The following TSGA13 variants were observed in gnomAD, a reference collection of about 807,000 sequenced individuals.
The protein encoded by TSGA13 is testis-specific gene 13 protein.
TSGA13 carries 37 observed loss-of-function variants against 35.1 expected under a neutral mutation model. The observed-to-expected ratio is 1.05, with a 90% CI of 0.81 to 1.39. TSGA13 has a LOEUF of 1.39. Among genes scored for constraint, TSGA13 ranks in the 40% most tolerant of loss-of-function variants. TSGA13 has a pLI of 0.00. For synonymous variants in TSGA13, 124 were observed against 121.2 expected (o/e 1.02, Z -0.15); for missense variants, 338 against 328.5 (o/e 1.03, Z -0.22).
At chr7:130,670,953 C>G (rs1796253549) in intron 7 of TSGA13, among the ~76,000 whole-genome samples, 1 of 147,216 alleles carries the variant, frequency 6.8e-6, no homozygotes, top group African/African-American at 2.4e-5. Flanking sequence ...ATCTCTTTCA[C>G]ATATTGAAAG....
At position 130,679,307 on chromosome 7, in the gene TSGA13, T is replaced by C; in HGVS notation, c.235A>G (p.Lys79Glu). The change falls in exon 5 of 8, where the codon AAA becomes GAA. Residue 79 changes from lysine to glutamate, a missense_variant. Coordinates refer to ENST00000356588, the MANE Select transcript of TSGA13 (RefSeq NM_052933.4). ...ALQKFLAQNR[K>E]NTSFMLKVTQ... ...ACTTTTAACATGAAGCTGGTGTTTT[T>C]CCTGTTTTGAGCCAGGAATTTCTGC... 1 of 1,614,200 alleles carries C rather than the reference T, an allele frequency of 6.2e-7. No homozygotes were observed. Among genetic ancestry groups the C allele is most frequent in the Non-Finnish European group, 8.5e-7 (1 of 1,180,022 alleles).
chr7:130,686,138 T>C (rs970853678), intron 1 of TSGA13, 124 bp downstream of exon 1: 1 of 152,230 alleles, frequency 6.6e-6, no homozygotes, highest in African/African-American at 2.4e-5. Context: ...CAAGGGTTTA[T>C]GTCTAACTTG....
chr7:130,670,640 GACAGGGTCTC>G (rs1554462820), intron 7 of TSGA13, among the ~76,000 whole-genome samples: 5 of 152,128 alleles, frequency 3.3e-5, no homozygotes, highest in African/African-American at 1.2e-4. Context: ...TTGTTTTTCA[GACAGGGTCTC>G]ACTCTGTTAC....
intron 3 of TSGA13, among the ~76,000 whole-genome samples, chr7:130,681,874 A>C (rs1796554859): frequency 6.6e-6 from 1 of 152,178 alleles, no homozygotes; most frequent in South Asian, 2.1e-4. Flanking sequence ...CATAGTCAGA[A>C]ATCGGAAAAA....
chr7:130,670,988 G>C (rs1796254859), intron 7 of TSGA13, among the ~76,000 whole-genome samples: 1 of 152,056 alleles, frequency 6.6e-6, no homozygotes, highest in Admixed American at 6.6e-5. Flanking sequence ...CTTGGTAAGT[G>C]TCAGACACTT....
intron 7 of TSGA13, 51 bp downstream of exon 7, chr7:130,671,610 C>T: frequency 6.7e-7 from 1 of 1,498,422 alleles, no homozygotes; most frequent in South Asian, 1.3e-5. Flanking sequence ...ATTGTATCTC[C>T]AGCCCAAATC....
chr7:130,684,431 A>T (rs1262283089), intron 2 of TSGA13, among the ~76,000 whole-genome samples: 4 of 152,204 alleles, frequency 2.6e-5, no homozygotes, highest in African/African-American at 9.6e-5. Flanking sequence ...TTGGTTAATG[A>T]TTAAGATAAA....
At position 130,679,378 on chromosome 7, in the gene TSGA13, A is replaced by C; in HGVS notation, c.175-11T>G. 1 of 1,597,982 alleles carries C rather than the reference A, an allele frequency of 6.3e-7. No homozygotes were observed. Among genetic ancestry groups the C allele is most frequent in the Non-Finnish European group, 8.5e-7 (1 of 1,171,602 alleles). On this transcript the variant is annotated splice_polypyrimidine_tract_variant and intron_variant, in intron 4 of 7. Coordinates refer to ENST00000356588, the MANE Select transcript of TSGA13 (RefSeq NM_052933.4). ...CTTATAGTACTGGGCCTGAACAGAC[A>C]GAAAGGTTTCCAGAGAGAAAAAGAG...
chr7:130,671,723 T>C lies in TSGA13; in HGVS notation c.596A>G (p.Gln199Arg), dbSNP rs1369977211. 1.6e-5 allele frequency: 25 copies of C among 1,611,242 alleles called. No individual in the cohort carries two copies. Among genetic ancestry groups the C allele is most frequent in the Non-Finnish European group, 2.1e-5 (25 of 1,178,166 alleles). ...GGTGAGCTGAGGGTACATTTTCTTC[T>C]GTGTCCTCAAAGCGTAGACTTTTGA... ...KYSKVYALRT[Q>R]KKMYPQLTFA... The change falls in exon 7 of 8, where the codon CAG (glutamine) becomes CGG (arginine). Residue 199 changes from glutamine (Q) to arginine (R), a missense_variant. Physicochemically the swap from Gln to Arg is conservative, Grantham distance 43. Coordinates refer to ENST00000356588, the MANE Select transcript of TSGA13 (RefSeq NM_052933.4).
rs2116329888 is a variant in TSGA13, at chr7:130,683,582, A to G, written c.102+12T>C. 6.2e-7 allele frequency: 1 copy of G among 1,611,910 alleles called. No individual in the cohort carries two copies. Among genetic ancestry groups the G allele is most frequent in the Non-Finnish European group, 8.5e-7 (1 of 1,178,974 alleles). ...AAAAATTAAACATTGAACACTTACT[A>G]ACACTCCTTACCTCTTTGCTATTGA... On this transcript the variant is annotated intron_variant, in intron 3 of 7. Transcript: ENST00000356588.
chr7:130,678,912 A>G (rs1334580104), intron 5 of TSGA13, among the ~76,000 whole-genome samples: 2 of 152,208 alleles, frequency 1.3e-5, no homozygotes, highest in Admixed American at 1.3e-4. Context: ...CTGTAGCCCC[A>G]GCTACTCAGG....
At chr7:130,670,093 T>C (rs887897327) in intron 7 of TSGA13, among the ~76,000 whole-genome samples, 1 of 152,204 alleles carries the variant, frequency 6.6e-6, no homozygotes, top group East Asian at 1.9e-4. Flanking sequence ...TAAAGCAAGA[T>C]CAATCATTCT....
chr7:130,668,911 A>G lies in TSGA13; in HGVS notation c.*103T>C, dbSNP rs1401619527. ...CGACCCTCCCGGCTTGCGACCCGGG[A>G]GCCCACGCCCGCAGCAGCAGGAATG... On this transcript the variant is annotated 3_prime_UTR_variant, in exon 8 of 8. Coordinates refer to ENST00000356588, the MANE Select transcript of TSGA13 (RefSeq NM_052933.4). 8 of 1,481,306 alleles carry G rather than the reference A, an allele frequency of 5.4e-6. No individual in the cohort carries two copies. The highest frequency in any genetic ancestry group is 6.3e-6 in the Non-Finnish European group (7 of 1,106,636). 91.8% of individuals were successfully genotyped at this position (1,481,306 alleles called of 1,614,324 possible).
chr7:130,672,362 A>G (rs1280167408), intron 6 of TSGA13, among the ~76,000 whole-genome samples: 2 of 152,194 alleles, frequency 1.3e-5, no homozygotes, highest in African/African-American at 4.8e-5. Context: ...TAAACTACAC[A>G]TAGGCTGCTC....
intron 1 of TSGA13, 99 bp from the exon 2 acceptor site, chr7:130,685,459 C>A (rs1584644354): frequency 8.6e-7 from 1 of 1,161,446 alleles, no homozygotes; most frequent in East Asian, 2.9e-5. Context: ...ATTTATTTCA[C>A]AAACGGGGGA....
chr7:130,673,965 C>G (rs952719065), intron 5 of TSGA13, among the ~76,000 whole-genome samples: 1 of 151,464 alleles, frequency 6.6e-6, no homozygotes, highest in Non-Finnish European at 1.5e-5. Context: ...CGTGGTGGCG[C>G]GTGCCTATAT....
intron 1 of TSGA13, among the ~76,000 whole-genome samples, chr7:130,685,709 A>G (rs1055693293): frequency 1.3e-5 from 2 of 152,266 alleles, no homozygotes; most frequent in African/African-American, 4.8e-5. Flanking sequence ...AGAAGCAGCC[A>G]TCTTCCAATT....
chr7:130,672,603 T>C, intron 6 of TSGA13, 131 bp downstream of exon 6: 1 of 1,238,310 alleles, frequency 8.1e-7, no homozygotes, highest in Non-Finnish European at 1.1e-6. Flanking sequence ...TAGGGTCATG[T>C]AGGGAAAGTC....
At chr7:130,683,301 A>G (rs1171738991) in intron 3 of TSGA13, among the ~76,000 whole-genome samples, 1 of 152,218 alleles carries the variant, frequency 6.6e-6, no homozygotes, top group African/African-American at 2.4e-5. Context: ...GAGTTTTGCT[A>G]CAAGAGGTAG....
Sources: allele counts gnomAD v4.1 joint callset (sites outside exome capture counted in the v4.1 genomes callset), GRCh38; gene constraint gnomAD v4.1.1; transcripts MANE v1.5; gene names NCBI Gene and HGNC (gene_info 2026-07-23, HGNC 2026-07-21).